The following RPS6KC1 variants were observed in gnomAD, a reference collection of about 807,000 sequenced individuals.
RPS6KC1 encodes inactive ribosomal protein S6 kinase delta-1.
In RPS6KC1, 54 loss-of-function variants were observed where a neutral mutation model predicts 103.8. The observed-to-expected ratio is 0.52, with a 90% CI of 0.42 to 0.65. The LOEUF is 0.65. RPS6KC1 is among the 30% of genes least tolerant of loss of function. The pLI is 0.00. For missense variants in RPS6KC1, 1,151 were observed against 1,253.8 expected, an observed-to-expected ratio of 0.92 and a Z score of 1.24; for synonymous variants, 439 against 438.7, an observed-to-expected ratio of 1.00 and a Z score of -0.01.
intron 1 of RPS6KC1, among the ~76,000 whole-genome samples, chr1:213,060,394 A>G (rs2077723969): frequency 6.6e-6 from 1 of 152,208 alleles, no homozygotes; most frequent in Non-Finnish European, 1.5e-5. Flanking sequence ...CAAAATAATC[A>G]TAGGGATAGG....
chr1:213,222,768 A>C (rs533985524), intron 8 of RPS6KC1, among the ~76,000 whole-genome samples: 1 of 152,356 alleles, frequency 6.6e-6, no homozygotes, highest in African/African-American at 2.4e-5. Flanking sequence ...GATTTATTTT[A>C]GCAGAAAATA....
At chr1:213,354,634 T>C in the RPS6KC1 span, among the ~76,000 whole-genome samples, 1 of 152,218 alleles carries the variant, frequency 6.6e-6, no homozygotes, top group Admixed American at 6.5e-5. Flanking sequence ...GTGAGGACTC[T>C]GCAGAGTCTT....
the RPS6KC1 span, among the ~76,000 whole-genome samples, chr1:213,833,628 C>A: frequency 6.6e-6 from 1 of 152,094 alleles, no homozygotes; most frequent in African/African-American, 2.4e-5. Context: ...AGATTCAGTG[C>A]TCTTTATAAA....
the RPS6KC1 span, among the ~76,000 whole-genome samples, chr1:213,623,514 T>A: frequency 6.6e-6 from 1 of 152,110 alleles, no homozygotes; most frequent in East Asian, 1.9e-4. Context: ...AATGAGGGAC[T>A]GGTGGCAAAG....
At chr1:213,567,473 G>T in the RPS6KC1 span, among the ~76,000 whole-genome samples, 36 of 152,224 alleles carry the variant, frequency 2.4e-4, no homozygotes, top group East Asian at 1.2e-3. Context: ...TCAGCTCTGG[G>T]GTTCCACTCT....
the RPS6KC1 span, among the ~76,000 whole-genome samples, chr1:213,343,389 GTGTATATATATATATATATA>G: frequency 2.8e-3 from 186 of 65,860 alleles, 12 homozygotes; most frequent in African/African-American, 0.013. Flanking sequence ...TCAGTGTTGT[GTGTATATATATATATATATA>G]TATATATATA....
chr1:213,646,701 G>C, the RPS6KC1 span, among the ~76,000 whole-genome samples: 1 of 151,850 alleles, frequency 6.6e-6, no homozygotes, highest in Non-Finnish European at 1.5e-5. Context: ...ACAAGAGGGA[G>C]GAAACGGAAC....
the RPS6KC1 span, among the ~76,000 whole-genome samples, chr1:213,456,113 C>A: frequency 6.6e-6 from 1 of 152,138 alleles, no homozygotes; most frequent in Admixed American, 6.5e-5. Flanking sequence ...ATCACAGATG[C>A]CTCATTCCTA....
At chr1:213,559,287 A>G in the RPS6KC1 span, among the ~76,000 whole-genome samples, 3 of 152,146 alleles carry the variant, frequency 2.0e-5, no homozygotes, top group African/African-American at 7.2e-5. Context: ...CCCAGTGGGG[A>G]CCCTTTGTTC....
chr1:213,716,508 C>A, the RPS6KC1 span, among the ~76,000 whole-genome samples: 4 of 152,258 alleles, frequency 2.6e-5, no homozygotes, highest in East Asian at 3.9e-4. Flanking sequence ...ATTTCATATT[C>A]TTGAGCAGAA....
chr1:213,702,574 G>T, the RPS6KC1 span, among the ~76,000 whole-genome samples: 1 of 151,838 alleles, frequency 6.6e-6, no homozygotes, highest in Non-Finnish European at 1.5e-5. Context: ...AATAATATTT[G>T]TTTTATATAT....
At chr1:213,487,650 G>C in the RPS6KC1 span, among the ~76,000 whole-genome samples, 3 of 152,106 alleles carry the variant, frequency 2.0e-5, no homozygotes, top group Non-Finnish European at 4.4e-5. Context: ...GAATCAGGCT[G>C]CGTGGGTTTA....
the RPS6KC1 span, among the ~76,000 whole-genome samples, chr1:213,823,597 C>T: frequency 2.0e-5 from 3 of 152,224 alleles, no homozygotes; most frequent in African/African-American, 4.8e-5. Context: ...GTAACCACTA[C>T]CTCCTCTTCC....
At chr1:213,196,894 T>C (rs2092969101) in intron 8 of RPS6KC1, among the ~76,000 whole-genome samples, 1 of 152,188 alleles carries the variant, frequency 6.6e-6, no homozygotes, top group Admixed American at 6.5e-5. Context: ...TGGGGTGCAA[T>C]GGCGCGATCT....
At chr1:213,699,988 A>C in the RPS6KC1 span, among the ~76,000 whole-genome samples, 40 of 151,948 alleles carry the variant, frequency 2.6e-4, no homozygotes, top group African/African-American at 9.4e-4. Flanking sequence ...ATTTTCTCCC[A>C]TTTTGTGGCT....
chr1:213,420,459 C>T, the RPS6KC1 span, among the ~76,000 whole-genome samples: 1 of 152,104 alleles, frequency 6.6e-6, no homozygotes, highest in Non-Finnish European at 1.5e-5. Flanking sequence ...TCAGAACGGC[C>T]CTGAAGCTCC....
the RPS6KC1 span, among the ~76,000 whole-genome samples, chr1:213,602,078 CTCTTTCTT>C: frequency 3.3e-3 from 128 of 38,572 alleles, 18 homozygotes; most frequent in African/African-American, 0.011. Flanking sequence ...TTCTTTCTTT[CTCTTTCTT>C]TCTTTCTTTC....
chr1:213,270,403 G>A lies in RPS6KC1; in HGVS notation c.3091-2121G>A, dbSNP rs901717480. ...GTATTAGATGTGATACCAAAAGCAT[G>A]GTCCATAAAAGGAAAAATTGATAAA... On this transcript the variant is annotated intron_variant, in intron 14 of 14. Coordinates refer to ENST00000366960, the MANE Select transcript of RPS6KC1 (RefSeq NM_012424.6). Among the ~76,000 whole-genome samples the A allele has an allele frequency of 2.6e-5, 4 of 152,112 alleles. No homozygotes were observed. The East Asian group carries it at 7.7e-4, about 29-fold the overall frequency.
the RPS6KC1 span, among the ~76,000 whole-genome samples, chr1:213,603,716 C>T: frequency 7.2e-5 from 11 of 151,922 alleles, no homozygotes; most frequent in African/African-American, 1.7e-4. Flanking sequence ...AAAAATTAGC[C>T]GGGCATCATG....
Sources: gnomAD v4.1 joint callset for allele counts (sites outside exome capture counted in the v4.1 genomes callset) on GRCh38, gnomAD v4.1.1 for gene constraint, MANE v1.5 for transcripts, NCBI Gene and HGNC (gene_info 2026-07-23, HGNC 2026-07-21) for gene names.